The following ITFG1 variants were observed in gnomAD, a reference collection of about 807,000 sequenced individuals.
ITFG1 encodes the protein integrin alpha FG-GAP repeat containing 1.
A neutral mutation model predicts 81.8 loss-of-function variants in ITFG1; 34 were observed. That is an observed-to-expected ratio of 0.42 (90% CI 0.32 to 0.55). The LOEUF (loss-of-function observed/expected upper bound fraction) is 0.55. ITFG1 is among the 20% of genes least tolerant of loss of function. ITFG1 has a pLI of 0.17. For synonymous variants in ITFG1, 285 were observed against 270.6 expected (o/e 1.05, Z -0.52); for missense variants, 672 against 755.4 (o/e 0.89, Z 1.29).
chr16:47,425,377 A>G (rs1303201410), intron 6 of ITFG1, among the ~76,000 whole-genome samples: 1 of 152,044 alleles, frequency 6.6e-6, no homozygotes, highest in Non-Finnish European at 1.5e-5. Context: ...TAGGAAAGGA[A>G]ATCCCCTGAC....
chr16:47,317,655 T>G (rs1967382035), intron 8 of ITFG1: 1 of 152,168 alleles, frequency 6.6e-6, no homozygotes, highest in Non-Finnish European at 1.5e-5. Context: ...GCCCAGCACC[T>G]TGTATGTTCG....
intron 6 of ITFG1, among the ~76,000 whole-genome samples, chr16:47,376,554 T>C (rs35171117): frequency 1.8e-3 from 281 of 152,352 alleles, no homozygotes; most frequent in Middle Eastern, 0.017. Context: ...AAAGGCCTAT[T>C]ACTGCAAACA....
chr16:47,266,779 GATCAAAAGGTAGAA>G (rs1378187973), intron 10 of ITFG1, among the ~76,000 whole-genome samples: 1 of 152,138 alleles, frequency 6.6e-6, no homozygotes, highest in Non-Finnish European at 1.5e-5. Context: ...TATTTAAAGG[GATCAAAAGGTAGAA>G]ACTATCCAAA....
chr16:47,423,869 T>G (rs908349449), intron 6 of ITFG1, among the ~76,000 whole-genome samples: 3 of 152,206 alleles, frequency 2.0e-5, no homozygotes, highest in African/African-American at 7.2e-5. Context: ...CATTTTTTCC[T>G]TCATTTCAAC....
At chr16:47,322,116 T>A (rs755452812) in intron 8 of ITFG1, among the ~76,000 whole-genome samples, 1 of 152,080 alleles carries the variant, frequency 6.6e-6, no homozygotes, top group Admixed American at 6.5e-5. Context: ...ACCTATGTTA[T>A]TGAAGAGAAG....
At chr16:47,442,249 T>C (rs944218312) in intron 5 of ITFG1, among the ~76,000 whole-genome samples, 3 of 152,050 alleles carry the variant, frequency 2.0e-5, no homozygotes, top group East Asian at 1.9e-4. Flanking sequence ...AAAATGGCCA[T>C]ACTGTCCAAT....
intron 10 of ITFG1, among the ~76,000 whole-genome samples, chr16:47,285,362 C>T (rs1026909178): frequency 6.6e-6 from 1 of 152,222 alleles, no homozygotes; most frequent in Non-Finnish European, 1.5e-5. Context: ...CCCCGTACCT[C>T]ACCCTATGCC....
At chr16:47,399,261 A>G (rs1467903466) in intron 6 of ITFG1, among the ~76,000 whole-genome samples, 1 of 152,210 alleles carries the variant, frequency 6.6e-6, no homozygotes, top group Non-Finnish European at 1.5e-5. Context: ...CTTTGTAGAC[A>G]GTGGTTTCCA....
chr16:47,407,710 G>A (rs1968746664), intron 6 of ITFG1, among the ~76,000 whole-genome samples: 1 of 152,138 alleles, frequency 6.6e-6, no homozygotes, highest in South Asian at 2.1e-4. Flanking sequence ...GAAGCTTAAG[G>A]GTTGAGGTGG....
intron 14 of ITFG1, among the ~76,000 whole-genome samples, chr16:47,208,699 G>A (rs1489132134): frequency 3.3e-5 from 5 of 152,332 alleles, no homozygotes; most frequent in Non-Finnish European, 7.3e-5. Flanking sequence ...ACTGGAGAAC[G>A]TAATTTCAGA....
chr16:47,416,499 C>A (rs551455768), intron 6 of ITFG1, among the ~76,000 whole-genome samples: 1 of 152,218 alleles, frequency 6.6e-6, no homozygotes, highest in African/African-American at 2.4e-5. Flanking sequence ...ATGTTTGTCC[C>A]CTCCAAATCT....
intron 13 of ITFG1, 58 bp from the exon 14 acceptor site, chr16:47,219,004 T>G (rs1965659712): frequency 1.6e-6 from 2 of 1,259,508 alleles, no homozygotes; most frequent in Admixed American, 4.8e-5. Context: ...ATTGGAAGTT[T>G]CAGGCAAATC....
Position 47,435,080 on chromosome 16 carries a change from G to A in ITFG1, c.561-6182C>T, listed in dbSNP as rs77889036. On this transcript the variant is annotated intron_variant, in intron 5 of 17. Transcript: ENST00000320640. ...CAGGGAAGAATAGGTAAGGGATGCC[G>A]AGCTTAATACCTAGGTGATGAGATG... 1.2e-4 allele frequency among the ~76,000 whole-genome samples: 18 copies of A among 152,194 alleles called. No homozygotes were observed. The East Asian group carries it at 3.3e-3, about 28-fold the overall frequency.
intron 5 of ITFG1, among the ~76,000 whole-genome samples, chr16:47,436,623 C>T (rs890215659): frequency 1.6e-4 from 25 of 152,086 alleles, no homozygotes; most frequent in Non-Finnish European, 2.9e-5. Context: ...AGAAATCTTG[C>T]TCATGTGAAA....
upstream of ITFG1, chr16:47,461,155 C>T (rs1969538894): frequency 4.4e-6 from 5 of 1,125,370 alleles, no homozygotes; most frequent in East Asian, 1.3e-4. Context: ...CGCGTAAGAG[C>T]CGCTGCCGGC....
In ITFG1 at chr16:47,182,777, G is replaced by A. The variant is rs531951387; in HGVS notation, c.1454-20113C>T. On this transcript the variant is annotated intron_variant, in intron 14 of 17. Transcript: ENST00000320640. ...GTAGGTGGGAGGAGCCAAGATGGCCGAATAGGAAAAGCTCCGGTCTACAGC... is the reference window on the plus strand; with the variant it reads ...GTAGGTGGGAGGAGCCAAGATGGCCAAATAGGAAAAGCTCCGGTCTACAGC... Among the ~76,000 whole-genome samples the A allele has an allele frequency of 7.9e-5, 12 of 152,316 alleles. 1 individual carries two copies. The highest frequency in any genetic ancestry group is 2.4e-4 in the African/African-American group (10 of 41,566).
rs772356665 is a variant in ITFG1 at position 47,428,899 on chromosome 16, C to T, written c.561-1G>A. On this transcript the variant is annotated splice_acceptor_variant, in intron 5 of 17. Transcript: ENST00000320640. LOFTEE classifies it high-confidence loss of function. Reference sequence around the variant, plus strand: ...CAATGCTGGATGCCATGATAAATTCCTAAAAAATAAAATAAAAATACTTTT... The same window carrying T: ...CAATGCTGGATGCCATGATAAATTCTTAAAAAATAAAATAAAAATACTTTT... The T allele has an allele frequency of 1.9e-6, 3 of 1,541,270 alleles. No individual in the cohort carries two copies. The highest frequency in any genetic ancestry group is 2.7e-6 in the Non-Finnish European group (3 of 1,131,950).
chr16:47,294,794 T>C (rs1247064648), intron 10 of ITFG1, among the ~76,000 whole-genome samples: 1 of 152,200 alleles, frequency 6.6e-6, no homozygotes, highest in Admixed American at 6.5e-5. Flanking sequence ...TGTTAGACCA[T>C]ATCTTTAGTG....
intron 6 of ITFG1, among the ~76,000 whole-genome samples, chr16:47,385,845 C>T (rs1404768994): frequency 6.6e-6 from 1 of 152,130 alleles, no homozygotes; most frequent in African/African-American, 2.4e-5. Context: ...AAACACTGCA[C>T]TAAAAACAAG....
Sources: gnomAD v4.1 joint callset for allele counts (sites outside exome capture counted in the v4.1 genomes callset) on GRCh38, gnomAD v4.1.1 for gene constraint, MANE v1.5 for transcripts, NCBI Gene and HGNC (gene_info 2026-07-23, HGNC 2026-07-21) for gene names.